Variants in MAMLD1 observed in about 807,000 individuals in gnomAD.
MAMLD1 encodes mastermind like domain containing 1, also known as mastermind-like domain-containing protein 1.
MAMLD1 carries 14 observed loss-of-function variants against 45.0 expected under a neutral mutation model. That is an observed-to-expected ratio of 0.31 (90% CI 0.21 to 0.49). MAMLD1 has a LOEUF of 0.49. Among genes scored for constraint, MAMLD1 ranks in the 20% least tolerant of loss-of-function variants. The probability of loss-of-function intolerance (pLI) is 0.99; values close to 1 mark genes in which losing one functional copy is unlikely to be tolerated. For missense variants in MAMLD1, 543 were observed against 603.6 expected, an observed-to-expected ratio of 0.90 and a Z score of 1.05; for synonymous variants, 254 against 247.8, an observed-to-expected ratio of 1.02 and a Z score of -0.24.
At chrX:150,402,524 G>T (rs1381401382) in intron 1 of MAMLD1, among the ~76,000 whole-genome samples, 2 of 111,755 alleles carry the variant, frequency 1.8e-5, no homozygotes, top group Non-Finnish European at 3.8e-5. Context: ...CGATTCCTCA[G>T]GGATCTAGAA....
chrX:150,495,162 T>G (rs1255237912), intron 5 of MAMLD1, among the ~76,000 whole-genome samples: 1 of 110,697 alleles, frequency 9.0e-6, no homozygotes, highest in Non-Finnish European at 1.9e-5. Context: ...GCTGAGATTG[T>G]GCCACTACAC....
intron 2 of MAMLD1, among the ~76,000 whole-genome samples, chrX:150,456,295 A>G (rs1424746673): frequency 9.0e-6 from 1 of 110,533 alleles, no homozygotes; most frequent in Non-Finnish European, 1.9e-5. Flanking sequence ...GCCACTATCT[A>G]TATGACTTTT....
Position 150,472,581 on chromosome X carries a change from G to A in MAMLD1, c.1917+1091G>A, listed in dbSNP as rs782294180. On this transcript the variant is annotated intron_variant, in intron 4 of 7. Transcript: ENST00000370401. ...GGCCTCCCTCAGTTCCTTGCCACAC[G>A]GTCTCTTCACAGAGCATCTCACAAC... is the stretch of plus-strand genomic sequence containing the variant. Among the ~76,000 whole-genome samples the A allele has an allele frequency of 1.4e-3, 160 of 112,072 alleles. 1 individual carries two copies. Among genetic ancestry groups the A allele is most frequent in the Non-Finnish European group, 2.0e-3 (107 of 53,174 alleles).
intron 3 of MAMLD1, among the ~76,000 whole-genome samples, chrX:150,463,623 G>A (rs897779471): frequency 2.7e-5 from 3 of 112,031 alleles, no homozygotes; most frequent in Non-Finnish European, 5.6e-5. Context: ...CTAGAACACT[G>A]CCCACCCAGG....
At position 150,453,468 on chromosome X, in the gene MAMLD1, C is replaced by A. The variant is rs1557405164; in HGVS notation, c.96+7856C>A. Among the ~76,000 whole-genome samples the A allele has an allele frequency of 4.5e-5, 5 of 111,502 alleles. No homozygotes were observed. In the South Asian group the frequency reaches 1.9e-3, roughly 42 times the overall value. On this transcript the variant is annotated intron_variant, in intron 2 of 7. Transcript: ENST00000370401. Reference sequence around the variant, plus strand: ...AGAATTACAGGCCCTCATGCGGCCACGTGTTTAGCTTCCCCTCCTGTGCCA... The same window carrying A: ...AGAATTACAGGCCCTCATGCGGCCAAGTGTTTAGCTTCCCCTCCTGTGCCA...
chrX:150,365,540 C>G (rs1557400695), intron 1 of MAMLD1, among the ~76,000 whole-genome samples: 1 of 113,305 alleles, frequency 8.8e-6, no homozygotes, highest in African/African-American at 3.2e-5. Context: ...CTTGGTTTCG[C>G]TTTGCAGCGG....
chrX:150,443,180 T>C (rs1459828042), intron 1 of MAMLD1, among the ~76,000 whole-genome samples: 3 of 110,086 alleles, frequency 2.7e-5, no homozygotes, highest in Non-Finnish European at 5.7e-5. Flanking sequence ...TCCAGATGTA[T>C]GTCTTTTGTC....
chrX:150,365,647 A>G (rs2031375498), intron 1 of MAMLD1, among the ~76,000 whole-genome samples: 1 of 113,080 alleles, frequency 8.8e-6, no homozygotes, highest in South Asian at 3.5e-4. Context: ...GCGTCTGGCT[A>G]CACGCCTCAT....
At chrX:150,424,563 T>C (rs1445436454) in intron 1 of MAMLD1, among the ~76,000 whole-genome samples, 1 of 112,294 alleles carries the variant, frequency 8.9e-6, no homozygotes, top group Non-Finnish European at 1.9e-5. Flanking sequence ...GGTGTGTTGA[T>C]GGCCCATTTC....
intron 1 of MAMLD1, among the ~76,000 whole-genome samples, chrX:150,376,371 A>T (rs2032314844): frequency 9.0e-6 from 1 of 111,428 alleles, no homozygotes; most frequent in African/African-American, 3.3e-5. Flanking sequence ...GTAGGACCAA[A>T]TAATAGAAAA....
chrX:150,462,076 C>T (rs1033299425), intron 2 of MAMLD1, among the ~76,000 whole-genome samples: 2 of 111,991 alleles, frequency 1.8e-5, no homozygotes, highest in African/African-American at 6.5e-5. Flanking sequence ...CCCTGATGGC[C>T]AGGCAGCAAT....
intron 2 of MAMLD1, among the ~76,000 whole-genome samples, chrX:150,456,534 A>G (rs2035872964): frequency 9.0e-6 from 1 of 111,417 alleles, no homozygotes; most frequent in African/African-American, 3.3e-5. Flanking sequence ...CTCTGTGTGG[A>G]TCCCTTTAGC....
upstream of MAMLD1, among the ~76,000 whole-genome samples, chrX:150,362,431 CCTCCTCTCCT>C (rs781903483): frequency 2.2e-4 from 24 of 108,683 alleles, no homozygotes; most frequent in South Asian, 4.2e-4. Flanking sequence ...CTCCTTATTT[CCTCCTCTCCT>C]CTCCTCTCCT....
intron 1 of MAMLD1, chrX:150,420,902 C>A (rs2034476704): frequency 8.9e-6 from 1 of 112,661 alleles, no homozygotes; most frequent in Admixed American, 9.3e-5. Context: ...TTTGTCTGTG[C>A]CCTGCCCCCA....
At chrX:150,450,631 G>A (rs1466330757) in intron 2 of MAMLD1, among the ~76,000 whole-genome samples, 1 of 111,477 alleles carries the variant, frequency 9.0e-6, no homozygotes, top group African/African-American at 3.3e-5. Context: ...TTGTGCACGT[G>A]TTCCAAACCA....
chrX:150,416,682 A>G (rs1385076895), intron 1 of MAMLD1, among the ~76,000 whole-genome samples: 3 of 112,713 alleles, frequency 2.7e-5, no homozygotes, highest in Non-Finnish European at 5.6e-5. Context: ...AACTCACAAT[A>G]GATACATATC....
At chrX:150,456,468 A>G (rs2035870664) in intron 2 of MAMLD1, among the ~76,000 whole-genome samples, 4 of 111,762 alleles carry the variant, frequency 3.6e-5, no homozygotes. Flanking sequence ...AAAGGCCTGT[A>G]GTTGGTAACA....
intron 2 of MAMLD1, among the ~76,000 whole-genome samples, chrX:150,449,869 C>T (rs377664811): frequency 1.8e-5 from 2 of 111,627 alleles, no homozygotes; most frequent in African/African-American, 3.3e-5. Flanking sequence ...AGTGTTTGAG[C>T]GTCTCTCTTG....
rs781929866 is a variant in MAMLD1 at position 150,470,179 on chromosome X, G to A, written c.606G>A (p.Thr202=). The A allele has an allele frequency of 4.1e-5, 50 of 1,209,945 alleles. No homozygotes were observed. The Admixed American group carries it at 4.1e-4, about 10-fold the overall frequency. The change falls in exon 4 of 8, where the codon ACG becomes ACA. Residue 202 remains threonine (T), a synonymous_variant. Transcript: ENST00000370401. ...TAGATCTTGAGAAGATACTGGGGAC[G>A]AAGCCAGAAGAGCCACTGGTTTTAG... ...NELDLEKILG[T]KPEEPLVLDH...
Sources: allele counts gnomAD v4.1 joint callset (sites outside exome capture counted in the v4.1 genomes callset), GRCh38; gene constraint gnomAD v4.1.1; transcripts MANE v1.5; gene names NCBI Gene and HGNC (gene_info 2026-07-23, HGNC 2026-07-21).